Variants in UNC13B observed in about 807,000 individuals in gnomAD.
UNC13B encodes unc-13 homolog B.
A neutral mutation model predicts 211.0 loss-of-function variants in UNC13B; 144 were observed. That is an observed-to-expected ratio of 0.68 (90% CI 0.60 to 0.78). The LOEUF (loss-of-function observed/expected upper bound fraction) is 0.78. Ranked by LOEUF, UNC13B falls within the 30% of genes least tolerant of loss-of-function variation. The pLI, the probability that UNC13B is intolerant of heterozygous loss-of-function variation, is 0.00. For missense variants in UNC13B, 1,777 were observed against 2,002.0 expected (o/e 0.89, Z 2.14); for synonymous variants, 709 against 725.8 (o/e 0.98, Z 0.37).
At chr9:35,399,316 G>C in intron 34 of UNC13B, 32 bp downstream of exon 34, 2 of 1,614,128 alleles carry the variant, frequency 1.2e-6, no homozygotes, top group Non-Finnish European at 1.7e-6. Flanking sequence ...TCCTCCTGCT[G>C]TCTCCCTTCC....
At chr9:35,194,339 G>C (rs1470484928) in intron 1 of UNC13B, among the ~76,000 whole-genome samples, 1 of 152,194 alleles carries the variant, frequency 6.6e-6, no homozygotes, top group Non-Finnish European at 1.5e-5. Context: ...AGAAAAGTTG[G>C]AGATCCTGTT....
intron 6 of UNC13B, among the ~76,000 whole-genome samples, chr9:35,250,823 A>G (rs1826422138): frequency 6.6e-6 from 1 of 151,922 alleles, no homozygotes; most frequent in Admixed American, 6.6e-5. Context: ...AACACTTGTT[A>G]TTATCTTTTT....
intron 7 of UNC13B, among the ~76,000 whole-genome samples, chr9:35,268,597 C>G (rs138231186): frequency 6.6e-6 from 1 of 152,044 alleles, no homozygotes; most frequent in Admixed American, 6.6e-5. Context: ...CCAGCCTGGG[C>G]GACAGAGCGA....
intron 6 of UNC13B, among the ~76,000 whole-genome samples, chr9:35,251,060 T>C (rs1307240207): frequency 1.3e-5 from 2 of 150,562 alleles, no homozygotes; most frequent in African/African-American, 4.9e-5. Flanking sequence ...CCTCCCGGGT[T>C]CATGCCATTC....
chr9:35,403,764 G>C lies in UNC13B; in HGVS notation c.12754G>C (p.Glu4252Gln). ...ETFHFLLGNE[E>Q]GPESYELQIC... is the part of the protein sequence containing the mutation. ...TGCTCACAGCCTCCTGGGAAATGAG[G>C]AGGGGCCCGAGTCCTATGAGTTGCA... The change falls in exon 40 of 40, where the codon GAG becomes CAG. Residue 4252 changes from glutamate (E) to glutamine (Q), a missense_variant. Coordinates refer to ENST00000635942, the MANE Select transcript of UNC13B (RefSeq NM_001371189.2). 6.2e-7 allele frequency: 1 copy of C among 1,614,124 alleles called. No individual in the cohort carries two copies.
intron 8 of UNC13B, among the ~76,000 whole-genome samples, chr9:35,296,203 G>A (rs1368139147): frequency 6.6e-6 from 1 of 152,128 alleles, no homozygotes; most frequent in African/African-American, 2.4e-5. Context: ...TCCCACTTGG[G>A]GTGTATCTGC....
chr9:35,162,210 G>C lies in UNC13B; in HGVS notation c.-74G>C, dbSNP rs1173771684. The C allele has an allele frequency of 1.9e-6, 3 of 1,538,920 alleles. No homozygotes were observed. In the South Asian group the frequency reaches 3.6e-5, roughly 18 times the overall value. Reference sequence around the variant, plus strand: ...TGGGGCCGGTAACGAGAGCAGTCGCGGCACCTGCTGAGAGGAAAGAGGGAG... The same window carrying C: ...TGGGGCCGGTAACGAGAGCAGTCGCCGCACCTGCTGAGAGGAAAGAGGGAG... On this transcript the variant is annotated 5_prime_UTR_variant, in exon 1 of 40. Transcript: ENST00000635942.
At chr9:35,250,365 C>G (rs972116149) in intron 6 of UNC13B, among the ~76,000 whole-genome samples, 3 of 152,212 alleles carry the variant, frequency 2.0e-5, no homozygotes, top group Admixed American at 6.5e-5. Flanking sequence ...AACCACTAAT[C>G]AACCTTCTGT....
intron 37 of UNC13B, among the ~76,000 whole-genome samples, chr9:35,401,000 G>A (rs1836263535): frequency 6.6e-6 from 1 of 152,172 alleles, no homozygotes; most frequent in African/African-American, 2.4e-5. Flanking sequence ...GACCCAGGAA[G>A]CCGGTTTTCT....
chr9:35,241,971 G>C (rs1825837406), intron 5 of UNC13B, among the ~76,000 whole-genome samples: 1 of 152,130 alleles, frequency 6.6e-6, no homozygotes, highest in Admixed American at 6.6e-5. Context: ...GGCTATATTT[G>C]CTTTATTCAT....
chr9:35,332,083 G>A (rs1831404110), intron 11 of UNC13B, among the ~76,000 whole-genome samples: 1 of 151,986 alleles, frequency 6.6e-6, no homozygotes, highest in African/African-American at 2.4e-5. Context: ...CCAGGATCAA[G>A]CAATTCTCCT....
intron 11 of UNC13B, among the ~76,000 whole-genome samples, chr9:35,328,646 T>TC (rs1831170647): frequency 3.6e-5 from 3 of 83,912 alleles, no homozygotes; most frequent in South Asian, 4.4e-4. Context: ...CTTCCTTCCT[T>TC]CCTTCCTTCC....
chr9:35,307,371 A>G lies in UNC13B; in HGVS notation c.7967A>G (p.His2656Arg), dbSNP rs1303359065. 2.5e-6 allele frequency: 1 copy of G among 398,922 alleles called. No homozygotes were observed. Among genetic ancestry groups the G allele is most frequent in the Non-Finnish European group, 4.4e-6 (1 of 226,112 alleles). The allele number at this position is 398,922 out of a possible 1,614,324, so 24.7% of individuals were successfully genotyped here. ...AACTTTGCGCTGCCAGCACAGTTGC[A>G]TCCAGATCCTACCTGCATTGCCGAA... ...AENFALPAQL[H>R]PDPTCIAEEL... is the part of the protein sequence containing the mutation. The change falls in exon 9 of 40, where the codon CAT (histidine) becomes CGT (arginine). Residue 2656 changes from histidine (H) to arginine (R), a missense_variant. By Grantham distance (29) the His-to-Arg change is conservative. Coordinates refer to ENST00000635942, the MANE Select transcript of UNC13B (RefSeq NM_001371189.2).
At chr9:35,394,146 A>T (rs1835725271) in intron 26 of UNC13B, among the ~76,000 whole-genome samples, 1 of 152,184 alleles carries the variant, frequency 6.6e-6, no homozygotes, top group African/African-American at 2.4e-5. Flanking sequence ...TTAACTGGGT[A>T]TGAATAAAGA....
chr9:35,166,102 C>T (rs1211166647), intron 1 of UNC13B, among the ~76,000 whole-genome samples: 1 of 152,100 alleles, frequency 6.6e-6, no homozygotes, highest in African/African-American at 2.4e-5. Flanking sequence ...TAAATGCAGG[C>T]CAGTCGTGGT....
At chr9:35,326,137 T>C in intron 11 of UNC13B, among the ~76,000 whole-genome samples, 1 of 152,224 alleles carries the variant, frequency 6.6e-6, no homozygotes, top group East Asian at 1.9e-4. Context: ...CCAACACTTA[T>C]TGTCTGTCTT....
chr9:35,201,802 A>AT (rs986422932), intron 1 of UNC13B, among the ~76,000 whole-genome samples: 65 of 150,730 alleles, frequency 4.3e-4, no homozygotes, highest in African/African-American at 5.8e-4. Context: ...GGATTCATTG[A>AT]TTTTTTTTTG....
chr9:35,278,040 G>C (rs1035119997), intron 7 of UNC13B, among the ~76,000 whole-genome samples: 1 of 152,138 alleles, frequency 6.6e-6, no homozygotes, highest in Non-Finnish European at 1.5e-5. Context: ...TGAAATGAGA[G>C]ATTGTTCACA....
At position 35,390,674 on chromosome 9, in the gene UNC13B, G is replaced by A; in HGVS notation, c.11268G>A (p.Met3756Ile). 1 of 1,614,170 alleles carries A rather than the reference G, an allele frequency of 6.2e-7. No homozygotes were observed. The highest frequency in any genetic ancestry group is 8.5e-7 in the Non-Finnish European group (1 of 1,180,036). ...LNVGKVSAEV[M>I]WHLFAQDMKY... is the part of the protein sequence containing the mutation. ...TGGGAAAAGTCAGCGCAGAAGTGAT[G>A]TGGCATTTGTTTGCCCAAGACATGA... The change falls in exon 26 of 40, where the codon ATG (methionine) becomes ATA (isoleucine). Residue 3756 changes from methionine to isoleucine, a missense_variant. Coordinates refer to ENST00000635942, the MANE Select transcript of UNC13B (RefSeq NM_001371189.2).
Sources: allele counts gnomAD v4.1 joint callset (sites outside exome capture counted in the v4.1 genomes callset), GRCh38; gene constraint gnomAD v4.1.1; transcripts MANE v1.5; gene names NCBI Gene and HGNC (gene_info 2026-07-23, HGNC 2026-07-21).